STARD9: variants seen among roughly 807,000 people sequenced by gnomAD.
The protein encoded by STARD9 is stAR-related lipid transfer protein 9.
Under a neutral mutation model 399.8 loss-of-function variants are expected in STARD9, and 346 were observed. The ratio of observed to expected loss-of-function variants is 0.87; its 90% CI spans 0.79 to 0.95. The LOEUF (loss-of-function observed/expected upper bound fraction) is 0.95. STARD9 is among the 40% of genes least tolerant of loss of function. The probability of loss-of-function intolerance (pLI) is 0.00; values close to 1 mark genes in which losing one functional copy is unlikely to be tolerated. For synonymous variants in STARD9, 2,203 were observed against 2,143.5 expected (o/e 1.03, Z -0.77); for missense variants, 5,832 against 5,667.5 (o/e 1.03, Z -0.93).
intron 3 of STARD9, among the ~76,000 whole-genome samples, chr15:42,602,538 C>A (rs780114943): frequency 3.9e-5 from 6 of 152,220 alleles, no homozygotes; most frequent in Non-Finnish European, 8.8e-5. Flanking sequence ...GGATCAGATA[C>A]AGAATCTCCT....
At position 42,604,626 on chromosome 15, in the gene STARD9, ATTTTTTTTTTTTTTT is replaced by A. The variant is rs11349330; in HGVS notation, c.234+19005_234+19019del. Among the ~76,000 whole-genome samples the A allele has an allele frequency of 3.2e-3, 174 of 54,772 alleles. 1 individual carries two copies. The highest frequency in any genetic ancestry group is 9.7e-3 in the African/African-American group (168 of 17,236). 35.9% of individuals were successfully genotyped at this position (54,772 alleles called of 152,430 possible). On this transcript the variant is annotated intron_variant, in intron 3 of 32. Coordinates refer to ENST00000290607, the MANE Select transcript of STARD9 (RefSeq NM_020759.3). ...GATTGCTTTATTCAGGATCAAATTG[ATTTTTTTTTTTTTTT>A]TTTTTTTTTTTTTTTGAGACAGGGT...
chr15:42,633,723 A>C (rs1347818049), intron 3 of STARD9, among the ~76,000 whole-genome samples: 6 of 148,128 alleles, frequency 4.1e-5, no homozygotes, highest in Non-Finnish European at 1.5e-5. Context: ...AGCTCATTGC[A>C]CTTCCGCTTC....
chr15:42,698,341 C>A (rs1200724619), intron 26 of STARD9, among the ~76,000 whole-genome samples: 2 of 152,198 alleles, frequency 1.3e-5, no homozygotes, highest in East Asian at 3.8e-4. Context: ...AATTTATACT[C>A]CCACCAATAA....
chr15:42,705,828 C>T (rs1422306407), intron 26 of STARD9, among the ~76,000 whole-genome samples: 2 of 152,142 alleles, frequency 1.3e-5, no homozygotes, highest in African/African-American at 4.8e-5. Context: ...TCTCAGCTTA[C>T]TGCAACCTCC....
intron 16 of STARD9, chr15:42,670,150 A>G (rs2060177216): frequency 6.6e-6 from 1 of 152,240 alleles, no homozygotes; most frequent in Non-Finnish European, 1.5e-5. Flanking sequence ...TTCTTCTGAC[A>G]CTTCCCCACT....
At chr15:42,646,380 A>G (rs2059645613) in intron 7 of STARD9, among the ~76,000 whole-genome samples, 1 of 152,138 alleles carries the variant, frequency 6.6e-6, no homozygotes, top group Admixed American at 6.5e-5. Context: ...AGCTACCTTC[A>G]TTATCTTAGC....
chr15:42,587,668 C>T (rs997635390), intron 3 of STARD9, among the ~76,000 whole-genome samples: 27 of 152,122 alleles, frequency 1.8e-4, no homozygotes, highest in African/African-American at 6.5e-4. Context: ...TGGGTTCAAG[C>T]GATTCTCCTG....
chr15:42,585,323 G>A (rs1387147058), intron 2 of STARD9, among the ~76,000 whole-genome samples, 198 bp from the exon 3 acceptor site: 1 of 152,192 alleles, frequency 6.6e-6, no homozygotes, highest in African/African-American at 2.4e-5. Context: ...TAGAATGACA[G>A]ACAAATTTAG....
At chr15:42,609,379 T>G (rs2058803236) in intron 3 of STARD9, among the ~76,000 whole-genome samples, 1 of 152,108 alleles carries the variant, frequency 6.6e-6, no homozygotes, top group Non-Finnish European at 1.5e-5. Flanking sequence ...GACGGTATGG[T>G]CAAAAGATTC....
rs919506595 is a variant in STARD9 at position 42,588,846 on chromosome 15, T to A, written c.234+3209T>A. Reference sequence around the variant, plus strand: ...GGGGGGTGGGGGTGTGTGGACAGAGTCTTAGTCACCCAGGCTGGAGTACAG... The same window carrying A: ...GGGGGGTGGGGGTGTGTGGACAGAGACTTAGTCACCCAGGCTGGAGTACAG... On this transcript the variant is annotated intron_variant, in intron 3 of 32. Coordinates refer to ENST00000290607, the MANE Select transcript of STARD9 (RefSeq NM_020759.3). Among the ~76,000 whole-genome samples the A allele has an allele frequency of 4.9e-5, 6 of 121,602 alleles. 1 individual carries two copies. The South Asian group carries it at 1.4e-3, about 29-fold the overall frequency. 79.8% of individuals were successfully genotyped at this position (121,602 alleles called of 152,430 possible).
chr15:42,664,473 C>T (rs1434192937), intron 13 of STARD9, among the ~76,000 whole-genome samples: 1 of 152,200 alleles, frequency 6.6e-6, no homozygotes, highest in Non-Finnish European at 1.5e-5. Context: ...AAGTGATTCT[C>T]CCACCTCAGC....
chr15:42,601,173 C>T lies in STARD9; in HGVS notation c.234+15536C>T, dbSNP rs1004356009. 5.9e-5 allele frequency among the ~76,000 whole-genome samples: 9 copies of T among 151,994 alleles called. No individual in the cohort carries two copies. The South Asian group carries it at 8.3e-4, about 14-fold the overall frequency. ...GACACAGCACATGTTTCAGAGAGCA[C>T]GGGTTGGGGGTAAGGTTATAGATTA... is the stretch of plus-strand genomic sequence containing the variant. On this transcript the variant is annotated intron_variant, in intron 3 of 32. Transcript: ENST00000290607.
Position 42,674,442 on chromosome 15 carries a change from A to G in STARD9, c.1500A>G (p.Glu500=). The change falls in exon 17 of 33, where the codon GAA becomes GAG. Residue 500 remains glutamate, a splice_region_variant and synonymous_variant. Transcript: ENST00000290607. ...AAATGGCTTTTTTCCCCCTTTAGGAAGGGACAACAAAAATAGGAAGGATTG... is the reference window on the plus strand; with the variant it reads ...AAATGGCTTTTTTCCCCCTTTAGGAGGGGACAACAAAAATAGGAAGGATTG... The part of the protein sequence containing the change: ...STGVVLYHLK[E]GTTKIGRIDS... 4 of 1,537,100 alleles carry G rather than the reference A, an allele frequency of 2.6e-6. No homozygotes were observed. The highest frequency in any genetic ancestry group is 1.7e-6 in the Non-Finnish European group (2 of 1,146,754).
Position 42,693,160 on chromosome 15 carries a change from C to A in STARD9, c.11582C>A (p.Pro3861His), listed in dbSNP as rs897500466. 6.5e-7 allele frequency: 1 copy of A among 1,537,166 alleles called. No homozygotes were observed. The highest frequency in any genetic ancestry group is 1.2e-5 in the South Asian group (1 of 84,060). ...SYCLVVSSPS[P>H]SSPHSPGLFP... ...TGCTTAGTTGTCAGCAGTCCCAGTC[C>A]CAGCTCCCCTCATTCCCCAGGGCTC... is the stretch of plus-strand genomic sequence containing the variant. Residue 3861 changes from proline (P) to histidine (H), a missense_variant, in exon 23 of 33, where the codon CCC (proline) becomes CAC (histidine). Transcript: ENST00000290607.
intron 7 of STARD9, among the ~76,000 whole-genome samples, chr15:42,641,432 T>C (rs186941746): frequency 2.8e-4 from 42 of 152,184 alleles, no homozygotes; most frequent in Non-Finnish European, 1.0e-4. Flanking sequence ...TTGTTACATA[T>C]GTATGCATGT....
intron 7 of STARD9, among the ~76,000 whole-genome samples, chr15:42,644,620 C>G (rs4924689): frequency 6.6e-6 from 1 of 152,052 alleles, no homozygotes; most frequent in Non-Finnish European, 1.5e-5. Flanking sequence ...GTGATGATGG[C>G]GGCTGACTGA....
chr15:42,695,318 T>C lies in STARD9; in HGVS notation c.13141T>C (p.Leu4381=), dbSNP rs1027782388. 5 of 1,531,906 alleles carry C rather than the reference T, an allele frequency of 3.3e-6. No individual in the cohort carries two copies. Among genetic ancestry groups the C allele is most frequent in the African/African-American group, 2.7e-5 (2 of 73,006 alleles). 94.9% of individuals were successfully genotyped at this position (1,531,906 alleles called of 1,614,324 possible). Residue 4381 remains leucine, a synonymous_variant, in exon 25 of 33, where the codon TTG becomes CTG. Coordinates refer to ENST00000290607, the MANE Select transcript of STARD9 (RefSeq NM_020759.3). ...CCACCAGAAGATCATTTCCCAGCTA[T>C]TGAAGGTGTGGAGTGGGGCATGCCT... ...RIHQKIISQL[L]KEEDKLHTLA... is the part of the protein sequence containing the mutation.
At chr15:42,607,651 TAC>T (rs10655556) in intron 3 of STARD9, among the ~76,000 whole-genome samples, 2,901 of 143,688 alleles carry the variant, frequency 0.02, 45 homozygotes, top group South Asian at 0.038. Flanking sequence ...CACACACTTA[TAC>T]ACACACACAC....
chr15:42,588,095 G>C (rs2058315285), intron 3 of STARD9, among the ~76,000 whole-genome samples: 1 of 152,148 alleles, frequency 6.6e-6, no homozygotes, highest in Non-Finnish European at 1.5e-5. Context: ...TTTGAGACCT[G>C]CCTGGCCATG....
Sources: allele counts gnomAD v4.1 joint callset (sites outside exome capture counted in the v4.1 genomes callset), GRCh38; gene constraint gnomAD v4.1.1; transcripts MANE v1.5; gene names NCBI Gene and HGNC (gene_info 2026-07-23, HGNC 2026-07-21).